Variants in PPP2R2B observed in about 807,000 individuals in gnomAD.
The protein encoded by PPP2R2B is protein phosphatase 2 regulatory subunit Bbeta.
Under a neutral mutation model 46.0 loss-of-function variants are expected in PPP2R2B, and 5 were observed. That is an observed-to-expected ratio of 0.11 (90% confidence interval 0.06 to 0.23). The LOEUF (loss-of-function observed/expected upper bound fraction) is 0.23. PPP2R2B is among the 10% of genes least tolerant of loss of function. PPP2R2B has a pLI of 1.00. For synonymous variants in PPP2R2B, 215 were observed against 206.7 expected, an observed-to-expected ratio of 1.04 and a Z score of -0.34; for missense variants, 367 against 575.0, an observed-to-expected ratio of 0.64 and a Z score of 3.70.
chr5:146,985,927 A>C (rs1753409722), intron 1 of PPP2R2B, among the ~76,000 whole-genome samples: 2 of 152,218 alleles, frequency 1.3e-5, no homozygotes, highest in African/African-American at 4.8e-5. Context: ...AACAAACTAT[A>C]CAAAAAAGAA....
intron 5 of PPP2R2B, among the ~76,000 whole-genome samples, chr5:146,690,502 T>C (rs548444807): frequency 4.6e-5 from 7 of 152,342 alleles, no homozygotes; most frequent in African/African-American, 1.4e-4. Context: ...TATCAGGCTA[T>C]GTATTTCTGA....
chr5:146,613,704 C>A (rs1163518728), intron 7 of PPP2R2B, among the ~76,000 whole-genome samples: 3 of 131,214 alleles, frequency 2.3e-5, no homozygotes, highest in African/African-American at 6.6e-5. Flanking sequence ...TATACACCAA[C>A]AACAGACAAA....
intron 1 of PPP2R2B, among the ~76,000 whole-genome samples, chr5:146,973,979 A>G (rs910211843): frequency 6.6e-6 from 1 of 152,202 alleles, no homozygotes; most frequent in Non-Finnish European, 1.5e-5. Context: ...AAATCTGCAG[A>G]AATAATCTGG....
At chr5:146,770,987 C>T (rs1754819049) in intron 2 of PPP2R2B, among the ~76,000 whole-genome samples, 1 of 152,136 alleles carries the variant, frequency 6.6e-6, no homozygotes, top group Non-Finnish European at 1.5e-5. Context: ...GCATGATGGG[C>T]CATCCATGCT....
intron 5 of PPP2R2B, among the ~76,000 whole-genome samples, chr5:146,669,944 A>G (rs951554077): frequency 1.3e-5 from 2 of 152,226 alleles, no homozygotes; most frequent in Non-Finnish European, 2.9e-5. Context: ...TTTAAACATG[A>G]ATTCCTCTTG....
chr5:146,620,356 G>A (rs1425493017), intron 7 of PPP2R2B, among the ~76,000 whole-genome samples: 1 of 152,156 alleles, frequency 6.6e-6, no homozygotes, highest in East Asian at 1.9e-4. Context: ...CGGGACTGGT[G>A]CCTTTTTGAG....
chr5:146,692,305 C>A (rs1187034101), intron 4 of PPP2R2B, among the ~76,000 whole-genome samples: 1 of 152,156 alleles, frequency 6.6e-6, no homozygotes, highest in Non-Finnish European at 1.5e-5. Flanking sequence ...GAGTCTCCAG[C>A]TGGAAACTAC....
intron 2 of PPP2R2B, among the ~76,000 whole-genome samples, chr5:146,717,927 C>A (rs1317641632): frequency 6.6e-6 from 1 of 152,142 alleles, no homozygotes; most frequent in Non-Finnish European, 1.5e-5. Flanking sequence ...TGAGAGTGGA[C>A]TTTTCTGACA....
At chr5:146,782,041 A>C (rs1287042117) in intron 2 of PPP2R2B, among the ~76,000 whole-genome samples, 2 of 152,166 alleles carry the variant, frequency 1.3e-5, no homozygotes, top group Non-Finnish European at 2.9e-5. Flanking sequence ...GGTTGTTTGA[A>C]AGTGTGTAGC....
At chr5:146,744,297 T>A (rs1185007165) in intron 2 of PPP2R2B, among the ~76,000 whole-genome samples, 1 of 152,046 alleles carries the variant, frequency 6.6e-6, no homozygotes, top group Non-Finnish European at 1.5e-5. Flanking sequence ...CAGGATGGAG[T>A]GGCAGAGCAG....
At chr5:147,034,106 C>T (rs192794318) in intron 1 of PPP2R2B, among the ~76,000 whole-genome samples, 1 of 152,232 alleles carries the variant, frequency 6.6e-6, no homozygotes, top group Admixed American at 6.5e-5. Flanking sequence ...AAGCTCTAGC[C>T]ACACTGCTCT....
intron 2 of PPP2R2B, among the ~76,000 whole-genome samples, chr5:146,704,329 A>G (rs930777342): frequency 6.6e-5 from 10 of 152,244 alleles, no homozygotes; most frequent in Non-Finnish European, 1.3e-4. Context: ...GGATGTAGTA[A>G]TAAGGTAGCA....
intron 2 of PPP2R2B, among the ~76,000 whole-genome samples, chr5:147,072,860 C>T (rs1182022216): frequency 1.3e-5 from 2 of 152,170 alleles, no homozygotes; most frequent in African/African-American, 4.8e-5. Flanking sequence ...TCTGTGTACC[C>T]AGAAGTCCTA....
chr5:146,986,842 G>C (rs1187834345), intron 1 of PPP2R2B, among the ~76,000 whole-genome samples: 2 of 152,114 alleles, frequency 1.3e-5, no homozygotes, highest in African/African-American at 4.8e-5. Flanking sequence ...TGGGTGGAAA[G>C]CTTATTTAAA....
intron 1 of PPP2R2B, among the ~76,000 whole-genome samples, chr5:147,022,264 C>A (rs1364255510): frequency 6.6e-6 from 1 of 151,744 alleles, no homozygotes; most frequent in African/African-American, 2.4e-5. Flanking sequence ...GAAATCATAG[C>A]TAAAATTTTC....
chr5:147,053,989 T>C (rs1029524297), intron 1 of PPP2R2B, among the ~76,000 whole-genome samples: 6 of 152,220 alleles, frequency 3.9e-5, no homozygotes, highest in African/African-American at 1.4e-4. Context: ...ACAACAAATT[T>C]AAATACATGC....
chr5:146,591,323 C>G (rs1294118265), intron 9 of PPP2R2B, among the ~76,000 whole-genome samples: 3 of 152,134 alleles, frequency 2.0e-5, no homozygotes, highest in African/African-American at 7.2e-5. Flanking sequence ...GTCACCTGTA[C>G]CAGGTAAATT....
intron 1 of PPP2R2B, among the ~76,000 whole-genome samples, chr5:146,980,841 C>T (rs997112352): frequency 2.0e-5 from 3 of 152,094 alleles, no homozygotes; most frequent in Non-Finnish European, 4.4e-5. Context: ...TTACATGACA[C>T]TAGTTAATTG....
chr5:146,829,153 G>A (rs1177361256), intron 2 of PPP2R2B, among the ~76,000 whole-genome samples: 1 of 152,120 alleles, frequency 6.6e-6, no homozygotes, highest in Non-Finnish European at 1.5e-5. Context: ...AGACAAGGGT[G>A]ACATGACCAC....
Sources: gnomAD v4.1 joint callset for allele counts (sites outside exome capture counted in the v4.1 genomes callset) on GRCh38, gnomAD v4.1.1 for gene constraint, MANE v1.5 for transcripts, NCBI Gene and HGNC (gene_info 2026-07-23, HGNC 2026-07-21) for gene names.